Variants in DPP10 observed in about 807,000 individuals in gnomAD.
DPP10 encodes inactive dipeptidyl peptidase 10.
Under a neutral mutation model 120.9 loss-of-function variants are expected in DPP10, and 33 were observed. The observed-to-expected ratio is 0.27, with a 90% CI of 0.21 to 0.37. The LOEUF is 0.37. DPP10 is among the 10% of genes least tolerant of loss of function. The pLI is 1.00. For synonymous variants in DPP10, 337 were observed against 326.1 expected (o/e 1.03, Z -0.36); for missense variants, 816 against 942.8 (o/e 0.87, Z 1.76).
At chr2:114,807,701 G>A (rs1684849120) in intron 1 of DPP10, among the ~76,000 whole-genome samples, 1 of 152,054 alleles carries the variant, frequency 6.6e-6, no homozygotes, top group Non-Finnish European at 1.5e-5. Flanking sequence ...TGTTGATATA[G>A]TTGTTCCAGT....
intron 7 of DPP10, among the ~76,000 whole-genome samples, chr2:115,704,241 T>TA (rs533897361): frequency 8.3e-4 from 123 of 147,598 alleles, no homozygotes; most frequent in African/African-American, 2.1e-3. Flanking sequence ...CCTAGCCATT[T>TA]AAAAAAAAAA....
At chr2:115,005,486 G>A (rs1451029382) in intron 1 of DPP10, among the ~76,000 whole-genome samples, 4 of 151,234 alleles carry the variant, frequency 2.6e-5, no homozygotes, top group South Asian at 2.1e-4. Flanking sequence ...TTAGAAGAAT[G>A]TATAACTAGA....
chr2:115,805,146 C>T (rs1685770724), intron 19 of DPP10, among the ~76,000 whole-genome samples: 1 of 152,156 alleles, frequency 6.6e-6, no homozygotes. Context: ...GCCCCTCCCC[C>T]AGCCTCACTG....
chr2:115,458,106 C>T (rs534287839), intron 3 of DPP10, among the ~76,000 whole-genome samples: 4 of 152,186 alleles, frequency 2.6e-5, no homozygotes, highest in East Asian at 1.9e-4. Flanking sequence ...GCCAAATTTT[C>T]TAGAGACAAA....
At chr2:115,100,226 C>T (rs542970090) in intron 1 of DPP10, among the ~76,000 whole-genome samples, 2 of 152,278 alleles carry the variant, frequency 1.3e-5, no homozygotes, top group South Asian at 2.1e-4. Flanking sequence ...AAGAGGATCA[C>T]TTGACATGAG....
chr2:115,075,612 T>C (rs1559063763), intron 1 of DPP10, among the ~76,000 whole-genome samples: 1 of 152,186 alleles, frequency 6.6e-6, no homozygotes, highest in Non-Finnish European at 1.5e-5. Context: ...ATTTTAAATA[T>C]CTCTTGAATC....
chr2:115,627,479 CATGGG>C (rs1558945566), intron 5 of DPP10, among the ~76,000 whole-genome samples: 2 of 152,136 alleles, frequency 1.3e-5, no homozygotes. Flanking sequence ...CCCCAGTACT[CATGGG>C]AGGATGTGGT....
At chr2:115,599,657 A>G (rs906530469) in intron 5 of DPP10, among the ~76,000 whole-genome samples, 2 of 152,166 alleles carry the variant, frequency 1.3e-5, no homozygotes, top group East Asian at 3.9e-4. Flanking sequence ...CATTATTAAT[A>G]CCTCGATATT....
At chr2:114,962,152 T>C (rs1280218506) in intron 1 of DPP10, among the ~76,000 whole-genome samples, 1 of 152,152 alleles carries the variant, frequency 6.6e-6, no homozygotes, top group Non-Finnish European at 1.5e-5. Context: ...AAGTATGTGG[T>C]ACTCTTGTAT....
At chr2:114,496,131 C>A (rs548200254) in intron 1 of DPP10, among the ~76,000 whole-genome samples, 1 of 152,224 alleles carries the variant, frequency 6.6e-6, no homozygotes, top group African/African-American at 2.4e-5. Flanking sequence ...ATGAAGGAAG[C>A]AGCTACCACT....
intron 3 of DPP10, among the ~76,000 whole-genome samples, chr2:115,371,776 AT>A (rs2065427095): frequency 6.6e-6 from 1 of 152,184 alleles, no homozygotes; most frequent in Non-Finnish European, 1.5e-5. Context: ...TTAGTCTACT[AT>A]TAATAGAGGA....
intron 1 of DPP10, among the ~76,000 whole-genome samples, chr2:115,201,853 TAA>T (rs59872188): frequency 1.4e-4 from 21 of 151,190 alleles, no homozygotes; most frequent in South Asian, 2.1e-4. Flanking sequence ...AACTTGAAGT[TAA>T]AAAAAAAAAT....
chr2:114,868,097 G>T (rs1690384053), intron 1 of DPP10, among the ~76,000 whole-genome samples: 1 of 152,180 alleles, frequency 6.6e-6, no homozygotes, highest in African/African-American at 2.4e-5. Flanking sequence ...GCCAAATCAT[G>T]GTCAAAAGTT....
intron 4 of DPP10, among the ~76,000 whole-genome samples, chr2:115,513,976 G>A (rs2077368702): frequency 6.6e-6 from 1 of 152,024 alleles, no homozygotes; most frequent in South Asian, 2.1e-4. Context: ...CTCAGGTTTT[G>A]TTTATTTAGA....
chr2:115,413,616 AT>A (rs2069130919), intron 3 of DPP10, among the ~76,000 whole-genome samples: 2 of 152,184 alleles, frequency 1.3e-5, no homozygotes, highest in Non-Finnish European at 2.9e-5. Context: ...ATTTAACTAG[AT>A]TTTCCTTTGT....
intron 4 of DPP10, among the ~76,000 whole-genome samples, chr2:115,506,461 C>G (rs7566337): frequency 0.2 from 31,050 of 151,850 alleles, 4,351 homozygotes; most frequent in African/African-American, 0.39. Flanking sequence ...AGTCTTGAGA[C>G]TAAGGAAAAC....
intron 1 of DPP10, among the ~76,000 whole-genome samples, chr2:115,221,087 CT>C (rs112656298): frequency 4.3e-4 from 65 of 151,060 alleles, no homozygotes; most frequent in African/African-American, 7.7e-4. Flanking sequence ...TATATTTCCA[CT>C]TTTTTTTTGC....
chr2:115,455,495 G>A (rs1413264266), intron 3 of DPP10, among the ~76,000 whole-genome samples: 1 of 151,992 alleles, frequency 6.6e-6, no homozygotes, highest in Admixed American at 6.6e-5. Context: ...CCAAAAAAGA[G>A]CTCACATAGC....
At chr2:114,966,942 T>G (rs1699075300) in intron 1 of DPP10, among the ~76,000 whole-genome samples, 1 of 152,116 alleles carries the variant, frequency 6.6e-6, no homozygotes, top group Admixed American at 6.6e-5. Context: ...CTTGGGAGGC[T>G]GAGGCAGGAG....
Sources: gnomAD v4.1 joint callset for allele counts (sites outside exome capture counted in the v4.1 genomes callset) on GRCh38, gnomAD v4.1.1 for gene constraint, MANE v1.5 for transcripts, NCBI Gene and HGNC (gene_info 2026-07-23, HGNC 2026-07-21) for gene names.